Variants in AP5Z1 observed in about 807,000 individuals in gnomAD.
AP5Z1 encodes the protein adaptor related protein complex 5 subunit zeta 1.
A neutral mutation model predicts 83.0 loss-of-function variants in AP5Z1; 106 were observed. That is an observed-to-expected ratio of 1.28 (90% confidence interval 1.09 to 1.50). The LOEUF is 1.50. AP5Z1 is among the 40% of genes most tolerant of loss of function. AP5Z1 has a pLI of 0.00. For synonymous variants in AP5Z1, 751 were observed against 514.1 expected, an observed-to-expected ratio of 1.46 and a Z score of -6.23; for missense variants, 1,565 against 1,094.2, an observed-to-expected ratio of 1.43 and a Z score of -6.07.
At position 4,791,376 on chromosome 7, in the gene AP5Z1, G is replaced by A; in HGVS notation, c.2415G>A (p.Met805Ile). Residue 805 changes from methionine (M) to isoleucine (I), a missense_variant, in exon 17 of 17, where the codon ATG becomes ATA. Physicochemically the swap from Met to Ile is conservative, Grantham distance 10 (BLOSUM62 1). Transcript: ENST00000649063. ...TGGTGGAGAGGGAGGCCGGCCTCAT[G>A]CCAGGGTGAAGGGACAGTGGCCAGG... ...SRLVEREAGL[M>I]PG 3 of 1,605,696 alleles carry A rather than the reference G, an allele frequency of 1.9e-6. No individual in the cohort carries two copies. Among genetic ancestry groups the A allele is most frequent in the South Asian group, 2.2e-5 (2 of 89,858 alleles).
intron 1 of AP5Z1, among the ~76,000 whole-genome samples, chr7:4,780,410 G>T (rs540804137): frequency 1.4e-5 from 2 of 143,796 alleles, no homozygotes; most frequent in South Asian, 4.6e-4. Context: ...ATGAGGTCAG[G>T]AGTTTTGAGA....
chr7:4,785,647 G>T lies in AP5Z1; in HGVS notation c.1095G>T (p.Arg365=), dbSNP rs1282241106. Residue 365 remains arginine, a synonymous_variant, in exon 9 of 17, where the codon CGG becomes CGT. Coordinates refer to ENST00000649063, the MANE Select transcript of AP5Z1 (RefSeq NM_014855.3). ...GRVRGDPASV[R]VLLPLAHFFL... is the part of the protein sequence containing the mutation. ...TGCGCGGGGACCCGGCCTCTGTGCG[G>T]GTGCTGCTGCCCCTCGCCCACTTCT... 2 of 1,559,712 alleles carry T rather than the reference G, an allele frequency of 1.3e-6. No homozygotes were observed. Among genetic ancestry groups the T allele is most frequent in the Non-Finnish European group, 1.7e-6 (2 of 1,155,416 alleles).
intron 11 of AP5Z1, 23 bp from the exon 12 acceptor site, chr7:4,788,131 G>GC: frequency 6.6e-7 from 1 of 1,509,378 alleles, no homozygotes. Context: ...TCCCAGCCTG[G>GC]CCTTGGGCGT....
intron 13 of AP5Z1, among the ~76,000 whole-genome samples, chr7:4,789,612 G>A (rs1472466260): frequency 6.6e-6 from 1 of 152,238 alleles, no homozygotes; most frequent in African/African-American, 2.4e-5. Flanking sequence ...TGGAACAGAA[G>A]CGACACCTCT....
intron 6 of AP5Z1, 53 bp from the exon 7 acceptor site, chr7:4,784,854 TG>T: frequency 5.1e-6 from 8 of 1,572,112 alleles, no homozygotes; most frequent in Non-Finnish European, 6.9e-6. Flanking sequence ...GCAGCAGGCA[TG>T]TCCCAGCCCG....
rs1458236731 is a variant in AP5Z1, at chr7:4,794,161, T to C, written c.*2776T>C. On this transcript the variant is annotated 3_prime_UTR_variant, in exon 17 of 17. Coordinates refer to ENST00000649063, the MANE Select transcript of AP5Z1 (RefSeq NM_014855.3). Reference sequence around the variant, plus strand: ...AACCTTTTTGTCAACACTCTGTATCTAGTTAATCTGGTGGGGACATGGAGA... The same window carrying C: ...AACCTTTTTGTCAACACTCTGTATCCAGTTAATCTGGTGGGGACATGGAGA... 1 of 152,264 alleles carries C rather than the reference T, an allele frequency of 6.6e-6. No individual in the cohort carries two copies. Among genetic ancestry groups the C allele is most frequent in the Non-Finnish European group, 1.5e-5 (1 of 68,116 alleles). The allele number at this position is 152,264 out of a possible 1,614,324, so 9.4% of individuals were successfully genotyped here. A position where few individuals can be genotyped will look rare whatever the true frequency, so the allele number is the denominator to read the frequency against.
intron 12 of AP5Z1, 191 bp downstream of exon 12, chr7:4,788,485 T>G: frequency 5.8e-6 from 4 of 686,500 alleles, no homozygotes; most frequent in Non-Finnish European, 4.6e-6. Context: ...CGGGGCCTGG[T>G]CTCAGCTCTC....
Position 4,784,912 on chromosome 7 carries a change from C to G in AP5Z1, c.795C>G (p.Asp265Glu). The G allele has an allele frequency of 6.2e-7, 1 of 1,609,602 alleles. No homozygotes were observed. Among genetic ancestry groups the G allele is most frequent in the Non-Finnish European group, 8.5e-7 (1 of 1,177,680 alleles). Reference sequence around the variant, plus strand: ...GAGAGTTCCCACCTCCCGCAGATGACAGGTCAGAGCAGGAGGGCTCCACTC... The same window carrying G: ...GAGAGTTCCCACCTCCCGCAGATGAGAGGTCAGAGCAGGAGGGCTCCACTC... ...PEGPGTLDTD[D>E]RSEQEGSTLS... The change falls in exon 7 of 17, where the codon GAC (aspartate) becomes GAG (glutamate). Residue 265 changes from aspartate to glutamate, a missense_variant. Coordinates refer to ENST00000649063, the MANE Select transcript of AP5Z1 (RefSeq NM_014855.3).
intron 13 of AP5Z1, 110 bp downstream of exon 13, chr7:4,789,061 A>T: frequency 1.1e-6 from 1 of 924,910 alleles, no homozygotes; most frequent in South Asian, 1.6e-5. Context: ...TGCTCCCGCC[A>T]CACCCACCAT....
rs73305376 is a variant in AP5Z1 at position 4,785,509 on chromosome 7, C to G, written c.970-13C>G. 16 of 1,613,374 alleles carry G rather than the reference C, an allele frequency of 9.9e-6. No individual in the cohort carries two copies. The Admixed American group carries it at 1.5e-4, about 15-fold the overall frequency. Reference sequence around the variant, plus strand: ...AGCGACTCGGCCCATTTGATGTGGTCCATGTCCCGCAGTGCCTGGTGGAGG... The same window carrying G: ...AGCGACTCGGCCCATTTGATGTGGTGCATGTCCCGCAGTGCCTGGTGGAGG... On this transcript the variant is annotated splice_polypyrimidine_tract_variant and intron_variant, in intron 8 of 16. Coordinates refer to ENST00000649063, the MANE Select transcript of AP5Z1 (RefSeq NM_014855.3).
chr7:4,783,907 A>G, intron 5 of AP5Z1, 109 bp downstream of exon 5: 3 of 1,198,138 alleles, frequency 2.5e-6, no homozygotes, highest in Non-Finnish European at 3.5e-6. Flanking sequence ...CGCGGGGTCC[A>G]GGACGAGCCT....
intron 1 of AP5Z1, among the ~76,000 whole-genome samples, chr7:4,776,364 G>A (rs1044765731): frequency 2.0e-5 from 3 of 152,066 alleles, no homozygotes; most frequent in Non-Finnish European, 4.4e-5. Context: ...GTGTAAGCCA[G>A]GACTGAACAG....
chr7:4,787,859 C>T (rs1781601988), intron 11 of AP5Z1, 83 bp downstream of exon 11: 6 of 1,442,650 alleles, frequency 4.2e-6, no homozygotes, highest in Non-Finnish European at 4.6e-6. Flanking sequence ...TGCTCCTGAC[C>T]CCTACACCGG....
At chr7:4,788,552 T>C in intron 12 of AP5Z1, 1 of 518,504 alleles carries the variant, frequency 1.9e-6, no homozygotes, top group South Asian at 3.7e-5. Flanking sequence ...GGTGCTCCAT[T>C]TTGCAGATGG....
chr7:4,783,951 A>C lies in AP5Z1; in HGVS notation c.621+153A>C, dbSNP rs539988099. 3.3e-5 allele frequency among the ~76,000 whole-genome samples: 5 copies of C among 152,256 alleles called. No homozygotes were observed. In the South Asian group the frequency reaches 1.0e-3, roughly 32 times the overall value. ...TGCGGGGCTTGGGTCAGGCAGGGCC[A>C]CAGCCCCCTGACCCGTGTGGCTCTG... On this transcript the variant is annotated intron_variant, in intron 5 of 16. Transcript: ENST00000649063.
Position 4,783,396 on chromosome 7 carries a change from C to T in AP5Z1, c.447C>T (p.Ser149=), listed in dbSNP as rs1422599932. 2 of 1,613,260 alleles carry T rather than the reference C, an allele frequency of 1.2e-6. No individual in the cohort carries two copies. Among genetic ancestry groups the T allele is most frequent in the African/African-American group, 2.7e-5 (2 of 75,052 alleles). ...AGAGCCGGCAGCCTGAGGGACCCAG[C>T]CTCAGACACCTCCTCCCCGTCATGG... The part of the protein sequence containing the change: ...ALESRQPEGP[S]LRHLLPVMAK... The change falls in exon 4 of 17, where the codon AGC becomes AGT. Residue 149 remains serine, a synonymous_variant. Coordinates refer to ENST00000649063, the MANE Select transcript of AP5Z1 (RefSeq NM_014855.3).
chr7:4,790,705 C>G lies in AP5Z1; in HGVS notation c.1971C>G (p.Thr657=). 1 of 1,611,398 alleles carries G rather than the reference C, an allele frequency of 6.2e-7. No individual in the cohort carries two copies. Among genetic ancestry groups the G allele is most frequent in the Non-Finnish European group, 8.5e-7 (1 of 1,179,536 alleles). Residue 657 remains threonine, a synonymous_variant, in exon 16 of 17, where the codon ACC becomes ACG. Coordinates refer to ENST00000649063, the MANE Select transcript of AP5Z1 (RefSeq NM_014855.3). ...CCATCGGCGAGTACCTGTCGGTGAC[C>G]TACGATCGGAGGTGCACCGTGGAGC... is the stretch of plus-strand genomic sequence containing the variant. ...VWAIGEYLSV[T]YDRRCTVEQI... is the part of the protein sequence containing the mutation.
At position 4,785,562 on chromosome 7, in the gene AP5Z1, G is replaced by A. The variant is rs549733205; in HGVS notation, c.1010G>A (p.Arg337Gln). ...GTGCTGGTGCTGGACGTGCTGTGCCGGCAGGACCCGTCCTTCCTGTACCGA... is the reference window on the plus strand; with the variant it reads ...GTGCTGGTGCTGGACGTGCTGTGCCAGCAGGACCCGTCCTTCCTGTACCGA... ...EAVLVLDVLC[R>Q]QDPSFLYRSL... Residue 337 changes from arginine to glutamine, a missense_variant, in exon 9 of 17, where the codon CGG becomes CAG. Physicochemically the swap from Arg to Gln is conservative, Grantham distance 43 (BLOSUM62 1). Transcript: ENST00000649063. The A allele has an allele frequency of 4.5e-5, 72 of 1,610,518 alleles. No individual in the cohort carries two copies. Among genetic ancestry groups the A allele is most frequent in the South Asian group, 4.4e-4 (40 of 90,522 alleles).
intron 5 of AP5Z1, 132 bp from the exon 6 acceptor site, chr7:4,784,069 TCA>T: frequency 8.8e-7 from 1 of 1,137,346 alleles, no homozygotes; most frequent in Non-Finnish European, 1.2e-6. Context: ...TGTTTTTGCA[TCA>T]CACAGGGCGG....
Sources: gnomAD v4.1 joint callset for allele counts (sites outside exome capture counted in the v4.1 genomes callset) on GRCh38, gnomAD v4.1.1 for gene constraint, MANE v1.5 for transcripts, NCBI Gene and HGNC (gene_info 2026-07-23, HGNC 2026-07-21) for gene names.